Variants in DHRS3 observed in about 807,000 individuals in gnomAD.
DHRS3 encodes short-chain dehydrogenase/reductase 3.
In DHRS3, 14 loss-of-function variants were observed where a neutral mutation model predicts 27.2. That is an observed-to-expected ratio of 0.52 (90% CI 0.34 to 0.81). The LOEUF is 0.81. DHRS3 is among the 30% of genes least tolerant of loss of function. The pLI is 0.01. For synonymous variants in DHRS3, 165 were observed against 175.9 expected (o/e 0.94, Z 0.49); for missense variants, 322 against 406.2 (o/e 0.79, Z 1.78).
chr1:12,607,296 G>A (rs1646878157), intron 1 of DHRS3, among the ~76,000 whole-genome samples: 1 of 152,200 alleles, frequency 6.6e-6, no homozygotes, highest in South Asian at 2.1e-4. Context: ...GGGTGATACA[G>A]TTAAGCATTG....
Position 12,617,887 on chromosome 1 carries a change from A to C in DHRS3, c.-539T>G, listed in dbSNP as rs1015791629. ...AAAAAAAAAAAAAAAAAGTGGGGGG[A>C]AAAAGTGCTTGGAGCTCCCAATTTC... On this transcript the variant is annotated 5_prime_UTR_variant, in exon 1 of 6. Transcript: ENST00000616661. 3.5e-5 allele frequency among the ~76,000 whole-genome samples: 2 copies of C among 57,070 alleles called. No individual in the cohort carries two copies. The highest frequency in any genetic ancestry group is 7.0e-5 in the Non-Finnish European group (2 of 28,698). 37.4% of individuals were successfully genotyped at this position (57,070 alleles called of 152,430 possible). A position where few individuals can be genotyped will look rare whatever the true frequency, so the allele number is the denominator to read the frequency against.
rs940335710 is a variant in DHRS3, at chr1:12,592,843, C to T, written c.196-12177G>A. Among the ~76,000 whole-genome samples, 6 of 152,202 alleles carry T rather than the reference C, an allele frequency of 3.9e-5. No individual in the cohort carries two copies. The highest frequency in any genetic ancestry group is 2.0e-4 in the Admixed American group (3 of 15,290). Reference sequence around the variant, plus strand: ...CAGATGCCAAGCTCTTTTTAACCTCCGAAGGCTCTTCACTGTCCCACATTA... The same window carrying T: ...CAGATGCCAAGCTCTTTTTAACCTCTGAAGGCTCTTCACTGTCCCACATTA... On this transcript the variant is annotated intron_variant, in intron 1 of 5. Transcript: ENST00000616661. The surrounding 1 kb of genome is among the most constrained non-coding windows in gnomAD (Gnocchi z 4.2).
intron 1 of DHRS3, chr1:12,616,880 G>T: frequency 1.9e-6 from 2 of 1,039,076 alleles, no homozygotes; most frequent in Non-Finnish European, 2.6e-6. Context: ...GTGGGAAATG[G>T]TGGGTCTCTT....
chr1:12,597,202 G>A (rs755466700), intron 1 of DHRS3, among the ~76,000 whole-genome samples: 5 of 152,058 alleles, frequency 3.3e-5, no homozygotes, highest in Non-Finnish European at 7.4e-5. Context: ...TCAGCCTCTC[G>A]AGTGCCTGGG....
chr1:12,568,353 T>G lies in DHRS3; in HGVS notation c.896A>C (p.Lys299Thr). The change falls in exon 6 of 6, where the codon AAA (lysine) becomes ACA (threonine). Residue 299 changes from lysine to threonine, a missense_variant. Transcript: ENST00000616661. ...SGTYTCMNTF[K>T]GRT is the part of the protein sequence containing the mutation. ...TTCATCCTGTCTCTATGTCCGCCCT[T>G]TGAAAGTGTTCATGCAGGTGTAGGT... 6.2e-7 allele frequency: 1 copy of G among 1,613,866 alleles called. No homozygotes were observed. Among genetic ancestry groups the G allele is most frequent in the Non-Finnish European group, 8.5e-7 (1 of 1,179,756 alleles).
intron 1 of DHRS3, chr1:12,595,905 T>C (rs2100698713): frequency 6.7e-6 from 1 of 150,296 alleles, no homozygotes; most frequent in Non-Finnish European, 1.5e-5. Flanking sequence ...GCTGCTGGGG[T>C]CCCCCTCCCG....
At chr1:12,606,778 A>T (rs1646874833) in intron 1 of DHRS3, among the ~76,000 whole-genome samples, 1 of 152,060 alleles carries the variant, frequency 6.6e-6, no homozygotes, top group African/African-American at 2.4e-5. Flanking sequence ...TACAGGTGTG[A>T]GCCACCGTGC....
intron 1 of DHRS3, among the ~76,000 whole-genome samples, chr1:12,604,492 A>G (rs531227981): frequency 2.3e-4 from 35 of 152,316 alleles, no homozygotes; most frequent in African/African-American, 8.2e-4. Context: ...TTTGTGTAAA[A>G]GCGGATTTCA....
At chr1:12,611,076 G>A (rs751377685) in intron 1 of DHRS3, among the ~76,000 whole-genome samples, 8 of 152,166 alleles carry the variant, frequency 5.3e-5, no homozygotes, top group Non-Finnish European at 1.0e-4. Context: ...CAAGGCAGAC[G>A]GCCTCGGCAA....
intron 1 of DHRS3, among the ~76,000 whole-genome samples, chr1:12,595,102 G>T (rs924758995): frequency 6.6e-6 from 1 of 152,098 alleles, no homozygotes; most frequent in African/African-American, 2.4e-5. Context: ...GGGGAGGGGA[G>T]GCGGTGAGCG....
At chr1:12,587,592 G>C (rs999676103) in intron 1 of DHRS3, among the ~76,000 whole-genome samples, 2 of 151,972 alleles carry the variant, frequency 1.3e-5, no homozygotes, top group Non-Finnish European at 2.9e-5. Context: ...GGCTGGGTGT[G>C]GTGGCTTAGG....
chr1:12,616,636 C>G lies in DHRS3; in HGVS notation c.195+518G>C, dbSNP rs528654675. On this transcript the variant is annotated intron_variant, in intron 1 of 5. Coordinates refer to ENST00000616661, the MANE Select transcript of DHRS3 (RefSeq NM_004753.7). ...CCGGCCAGACTACTGCATACAAGAC[C>G]GCTCTTCCCTTTTCAAACCCAAACC... 4.4e-5 allele frequency: 44 copies of G among 992,200 alleles called. No homozygotes were observed. The East Asian group carries it at 9.0e-4, about 20-fold the overall frequency. 61.5% of individuals were successfully genotyped at this position (992,200 alleles called of 1,614,324 possible). A position where few individuals can be genotyped will look rare whatever the true frequency, so the allele number is the denominator to read the frequency against.
Position 12,572,777 on chromosome 1 carries a change from C to T in DHRS3, c.775G>A (p.Ala259Thr). 1 of 1,611,748 alleles carries T rather than the reference C, an allele frequency of 6.2e-7. No individual in the cohort carries two copies. Among genetic ancestry groups the T allele is most frequent in the Non-Finnish European group, 8.5e-7 (1 of 1,179,106 alleles). Reference protein sequence around the residue: ...RTVEAVQLNQALLLLPWTMHA... With the variant: ...RTVEAVQLNQTLLLLPWTMHA... ...ATTGTCCATGGGAGGAGGAGGAGGG[C>T]CTGGTTGAGCTGCACAGCTTCCACT... is the stretch of plus-strand genomic sequence containing the variant. The change falls in exon 5 of 6, where the codon GCC becomes ACC. Residue 259 changes from alanine (A) to threonine (T), a missense_variant. Physicochemically the swap from Ala to Thr is moderately conservative, Grantham distance 58. Coordinates refer to ENST00000616661, the MANE Select transcript of DHRS3 (RefSeq NM_004753.7).
rs555376851 is a variant in DHRS3 at position 12,592,952 on chromosome 1, C to T, written c.196-12286G>A. The stretch of plus-strand genomic sequence containing the variant: ...AATCCAGAGGCTTCTCACCACTTCT[C>T]GCCACCTCCACGGCGCCTTGGGGCC... On this transcript the variant is annotated intron_variant, in intron 1 of 5. Coordinates refer to ENST00000616661, the MANE Select transcript of DHRS3 (RefSeq NM_004753.7). This position sits in a 1 kb window ranked among gnomAD's most constrained non-coding sequence, Gnocchi z 4.2. Among the ~76,000 whole-genome samples the T allele has an allele frequency of 1.1e-4, 17 of 152,360 alleles. No homozygotes were observed. Among genetic ancestry groups the T allele is most frequent in the South Asian group, 4.1e-4 (2 of 4,826 alleles).
Position 12,578,401 on chromosome 1 carries a change from C to G in DHRS3, c.698+317G>C, listed in dbSNP as rs1646610350. 6.6e-6 allele frequency among the ~76,000 whole-genome samples: 1 copy of G among 152,228 alleles called. No homozygotes were observed. The highest frequency in any genetic ancestry group is 6.5e-5 in the Admixed American group (1 of 15,286). On this transcript the variant is annotated intron_variant, in intron 4 of 5. Transcript: ENST00000616661. This position sits in a 1 kb window ranked among gnomAD's most constrained non-coding sequence, Gnocchi z 4.5. ...CACAGCTCACTTGCAGCCTCAACTT[C>G]CTGGGCTCAAGCAATTGATCCTCCC...
In DHRS3 at chr1:12,611,784, T is replaced by C. The variant is rs1292650111; in HGVS notation, c.195+5370A>G. On this transcript the variant is annotated intron_variant, in intron 1 of 5. Coordinates refer to ENST00000616661, the MANE Select transcript of DHRS3 (RefSeq NM_004753.7). ...GCTGCAACCTGGAGAAGGTAGTAAC[T>C]TTTCCAGGGTCAAGAACCCAGTCTT... Among the ~76,000 whole-genome samples, 3 of 151,896 alleles carry C rather than the reference T, an allele frequency of 2.0e-5. No homozygotes were observed. The East Asian group carries it at 5.8e-4, about 29-fold the overall frequency.
intron 1 of DHRS3, among the ~76,000 whole-genome samples, chr1:12,585,238 T>TGTGTGTCTATGTGA (rs1338012611): frequency 1.4e-5 from 2 of 138,066 alleles, no homozygotes; most frequent in Non-Finnish European, 3.4e-5. Context: ...TCTATGTGAG[T>TGTGTGTCTATGTGA]GTGTGTCTCT....
Position 12,591,062 on chromosome 1 carries a change from A to ATAT in DHRS3, c.196-10397_196-10396insATA, listed in dbSNP as rs1392857933. 1.6e-4 allele frequency among the ~76,000 whole-genome samples: 25 copies of ATAT among 152,218 alleles called. No homozygotes were observed. The highest frequency in any genetic ancestry group is 1.4e-3 in the Admixed American group (21 of 15,284). On this transcript the variant is annotated intron_variant, in intron 1 of 5. Coordinates refer to ENST00000616661, the MANE Select transcript of DHRS3 (RefSeq NM_004753.7). The surrounding 1 kb of genome is among the most constrained non-coding windows in gnomAD (Gnocchi z 4.1). Reference sequence around the variant, plus strand: ...GCTGTTTCTAGGGGAGGAGACAGACATAGAGCTTCGGGTTTTCCAGGCAAC... The same window carrying ATAT: ...GCTGTTTCTAGGGGAGGAGACAGACATATTAGAGCTTCGGGTTTTCCAGGCAAC...
intron 1 of DHRS3, among the ~76,000 whole-genome samples, chr1:12,614,538 T>C (rs1244464004): frequency 6.6e-6 from 1 of 151,760 alleles, no homozygotes; most frequent in African/African-American, 2.4e-5. Flanking sequence ...CCTCGCTTAT[T>C]TGGGCCACCT....
Sources: gnomAD v4.1 joint callset for allele counts (sites outside exome capture counted in the v4.1 genomes callset) on GRCh38, gnomAD v4.1.1 for gene constraint, Gnocchi (gnomAD v3.1) non-coding constraint, MANE v1.5 for transcripts, NCBI Gene and HGNC (gene_info 2026-07-23, HGNC 2026-07-21) for gene names.